The following SLC7A7 variants were observed in gnomAD, a reference collection of about 807,000 sequenced individuals.
SLC7A7 encodes solute carrier family 7 member 7, also known as Y+L amino acid transporter 1.
SLC7A7 carries 39 observed loss-of-function variants against 47.9 expected under a neutral mutation model. The observed-to-expected ratio is 0.81, with a 90% confidence interval of 0.63 to 1.06. The LOEUF (loss-of-function observed/expected upper bound fraction) is 1.06. Among genes scored for constraint, SLC7A7 ranks in the 50% least tolerant of loss-of-function variants. The pLI is 0.00. For missense variants in SLC7A7, 588 were observed against 632.0 expected (o/e 0.93, Z 0.75); for synonymous variants, 234 against 242.8 (o/e 0.96, Z 0.34).
intron 2 of SLC7A7, among the ~76,000 whole-genome samples, chr14:22,800,657 G>A (rs1021185207): frequency 6.9e-5 from 10 of 145,538 alleles, no homozygotes; most frequent in South Asian, 2.3e-4. Flanking sequence ...AAAGAAGGCC[G>A]GGTGCGGTGG....
chr14:22,814,354 C>T (rs1451881853), intron 1 of SLC7A7, among the ~76,000 whole-genome samples: 1 of 151,742 alleles, frequency 6.6e-6, no homozygotes, highest in Non-Finnish European at 1.5e-5. Context: ...CGTGGTGGCA[C>T]ATGCCTGTAA....
intron 2 of SLC7A7, among the ~76,000 whole-genome samples, chr14:22,781,363 G>C (rs1002767018): frequency 6.6e-6 from 1 of 152,108 alleles, no homozygotes; most frequent in Non-Finnish European, 1.5e-5. Flanking sequence ...TGGCCTCTCA[G>C]AACAGCTGCC....
intron 2 of SLC7A7, among the ~76,000 whole-genome samples, chr14:22,794,269 A>C (rs1191392098): frequency 6.6e-6 from 1 of 152,114 alleles, no homozygotes. Context: ...GGGCAGTTAC[A>C]CCTCTGGCAA....
At chr14:22,817,156 T>G (rs1217818948), upstream of SLC7A7, 1 of 163,424 alleles carries the variant, frequency 6.1e-6, no homozygotes, top group Admixed American at 6.5e-5. Context: ...TTTATTTTCT[T>G]TTTTTGAGAC....
At chr14:22,775,787 C>T (rs769713964) in intron 6 of SLC7A7, 46 bp downstream of exon 6, 2 of 1,352,992 alleles carry the variant, frequency 1.5e-6, no homozygotes, top group South Asian at 1.2e-5. Context: ...CTGTCCACTG[C>T]ATAGCCCTTT....
At chr14:22,810,501 G>A (rs2039289582) in intron 2 of SLC7A7, among the ~76,000 whole-genome samples, 1 of 145,246 alleles carries the variant, frequency 6.9e-6, no homozygotes, top group South Asian at 2.2e-4. Context: ...TATTTTAAAG[G>A]AATGCAGCCA....
intron 2 of SLC7A7, among the ~76,000 whole-genome samples, chr14:22,802,494 T>C (rs916084926): frequency 1.3e-5 from 2 of 152,158 alleles, no homozygotes; most frequent in Non-Finnish European, 2.9e-5. Context: ...GGATTATAGA[T>C]AGGCACAGCT....
chr14:22,776,444 A>G, intron 4 of SLC7A7, 126 bp from the exon 5 acceptor site: 3 of 1,255,180 alleles, frequency 2.4e-6, no homozygotes, highest in East Asian at 2.3e-5. Context: ...CATTTCCTCA[A>G]TGCATTTGTC....
intron 2 of SLC7A7, among the ~76,000 whole-genome samples, chr14:22,812,582 G>C (rs894710555): frequency 6.7e-6 from 1 of 149,342 alleles, no homozygotes; most frequent in Non-Finnish European, 1.5e-5. Flanking sequence ...GCTGAAGTAA[G>C]GTATAATCAC....
At chr14:22,796,589 G>C (rs948551953) in intron 2 of SLC7A7, among the ~76,000 whole-genome samples, 3 of 152,194 alleles carry the variant, frequency 2.0e-5, no homozygotes, top group African/African-American at 7.2e-5. Context: ...TAAACAAAGA[G>C]CCCTGAACTG....
At chr14:22,775,057 C>CT (rs1007344159) in intron 7 of SLC7A7, among the ~76,000 whole-genome samples, 3 of 150,128 alleles carry the variant, frequency 2.0e-5, no homozygotes, top group Non-Finnish European at 4.4e-5. Flanking sequence ...TCAAGATGCA[C>CT]TTTTTTTTTC....
chr14:22,779,337 C>T (rs1035585175), intron 3 of SLC7A7, among the ~76,000 whole-genome samples: 1 of 152,206 alleles, frequency 6.6e-6, no homozygotes, highest in Admixed American at 6.5e-5. Flanking sequence ...CCAAGATCAG[C>T]CTCCTCTGGG....
chr14:22,818,560 G>A, upstream of SLC7A7, among the ~76,000 whole-genome samples: 1 of 150,968 alleles, frequency 6.6e-6, no homozygotes, highest in Admixed American at 6.6e-5. Flanking sequence ...CTCCCAAAGG[G>A]GCTCTTCTAC....
rs373395172 is a variant in SLC7A7, at chr14:22,786,180, T to C, written c.500-6129A>G. On this transcript the variant is annotated intron_variant, in intron 2 of 9. Coordinates refer to ENST00000674313, the MANE Select transcript of SLC7A7 (RefSeq NM_003982.4). ...CTAAAATACAAAAATTAGCCAGGCA[T>C]GGTGGCACAAGCCTGTAGTCCCAGC... Among the ~76,000 whole-genome samples, 65 of 151,750 alleles carry C rather than the reference T, an allele frequency of 4.3e-4. 1 individual carries two copies. The South Asian group carries it at 0.012, about 29-fold the overall frequency.
chr14:22,777,150 A>G (rs2038627290), intron 4 of SLC7A7, among the ~76,000 whole-genome samples: 1 of 151,154 alleles, frequency 6.6e-6, no homozygotes, highest in African/African-American at 2.4e-5. Flanking sequence ...TCTAAAAAAA[A>G]AAAAAAAAAA....
At chr14:22,806,951 G>A (rs1310650902) in intron 2 of SLC7A7, among the ~76,000 whole-genome samples, 1 of 145,052 alleles carries the variant, frequency 6.9e-6, no homozygotes, top group Non-Finnish European at 1.5e-5. Flanking sequence ...AGGCTAGAGT[G>A]CAGTGGCGCG....
rs1566450021 is a variant in SLC7A7 at position 22,789,625 on chromosome 14, C to T, written c.500-9574G>A. ...CCTGGGCAACAGAGCAAGACTCTGGCTCAAAAAAAAAAAAAAAAAAGAAAA... is the reference window on the plus strand; with the variant it reads ...CCTGGGCAACAGAGCAAGACTCTGGTTCAAAAAAAAAAAAAAAAAAGAAAA... On this transcript the variant is annotated intron_variant, in intron 2 of 9. Transcript: ENST00000674313. Among the ~76,000 whole-genome samples, 3 of 69,210 alleles carry T rather than the reference C, an allele frequency of 4.3e-5. No homozygotes were observed. In the Admixed American group the frequency reaches 5.2e-4, roughly 12 times the overall value. 45.4% of individuals were successfully genotyped at this position (69,210 alleles called of 152,430 possible).
chr14:22,792,955 C>T (rs1207024011), intron 2 of SLC7A7, among the ~76,000 whole-genome samples: 7 of 149,774 alleles, frequency 4.7e-5, no homozygotes, highest in South Asian at 2.1e-4. Flanking sequence ...CTCGCTCTGT[C>T]GCCCAGGCTG....
In SLC7A7 at chr14:22,804,363, G is replaced by T. The variant is rs540183993; in HGVS notation, c.499+8537C>A. Among the ~76,000 whole-genome samples the T allele has an allele frequency of 2.0e-5, 3 of 152,244 alleles. No individual in the cohort carries two copies. In the South Asian group the frequency reaches 6.2e-4, roughly 32 times the overall value. Reference sequence around the variant, plus strand: ...CAAAAAAGCAAAAATTGACAAATGGGATCTTATTAAACTAAAGAGCTTCTG... The same window carrying T: ...CAAAAAAGCAAAAATTGACAAATGGTATCTTATTAAACTAAAGAGCTTCTG... On this transcript the variant is annotated intron_variant, in intron 2 of 9. Transcript: ENST00000674313.
Sources: gnomAD v4.1 joint callset for allele counts (sites outside exome capture counted in the v4.1 genomes callset) on GRCh38, gnomAD v4.1.1 for gene constraint, MANE v1.5 for transcripts, NCBI Gene and HGNC (gene_info 2026-07-23, HGNC 2026-07-21) for gene names.